Variants in SEMA3A observed in about 807,000 individuals in gnomAD.
The protein encoded by SEMA3A is semaphorin-3A.
Under a neutral mutation model 97.9 loss-of-function variants are expected in SEMA3A, and 29 were observed. That is an observed-to-expected ratio of 0.30 (90% CI 0.22 to 0.40). SEMA3A has a LOEUF of 0.40. Among genes scored for constraint, SEMA3A ranks in the 10% least tolerant of loss-of-function variants. The pLI is 1.00. For synonymous variants in SEMA3A, 321 were observed against 323.7 expected (o/e 0.99, Z 0.09); for missense variants, 763 against 951.3 (o/e 0.80, Z 2.60).
intron 3 of SEMA3A, among the ~76,000 whole-genome samples, chr7:84,236,581 T>C: frequency 6.6e-6 from 1 of 152,294 alleles, no homozygotes; most frequent in Admixed American, 6.5e-5. Flanking sequence ...AGTTTATCTT[T>C]ATCTCGCAAA....
At chr7:84,110,806 A>G (rs1217199728) in intron 3 of SEMA3A, among the ~76,000 whole-genome samples, 1 of 151,816 alleles carries the variant, frequency 6.6e-6, no homozygotes, top group Non-Finnish European at 1.5e-5. Flanking sequence ...CTCTGGTGAG[A>G]ACAATTATTT....
chr7:84,256,790 A>C (rs904825055), intron 3 of SEMA3A, among the ~76,000 whole-genome samples: 1 of 152,056 alleles, frequency 6.6e-6, no homozygotes, highest in African/African-American at 2.4e-5. Flanking sequence ...ACATAAATAC[A>C]AAGTATTCTA....
At position 84,351,206 on chromosome 7, in the gene SEMA3A, G is replaced by A. The variant is rs183249313; in HGVS notation, c.-169+20618C>T. Among the ~76,000 whole-genome samples, 56 of 152,110 alleles carry A rather than the reference G, an allele frequency of 3.7e-4. No individual in the cohort carries two copies. The East Asian group carries it at 6.6e-3, about 18-fold the overall frequency. Reference sequence around the variant, plus strand: ...TAAAGTCAATGCCAACATTTCTAATGATTCAGGTGGCTCTCAGTACTCCTT... The same window carrying A: ...TAAAGTCAATGCCAACATTTCTAATAATTCAGGTGGCTCTCAGTACTCCTT... On this transcript the variant is annotated intron_variant, in intron 2 of 3. Transcript: ENST00000424555.
intron 2 of SEMA3A, among the ~76,000 whole-genome samples, chr7:84,315,971 C>T (rs1801485514): frequency 6.6e-6 from 1 of 150,458 alleles, no homozygotes; most frequent in Admixed American, 6.6e-5. Flanking sequence ...CTTTCTTCCT[C>T]TAATTTTATT....
intron 5 of SEMA3A, among the ~76,000 whole-genome samples, chr7:84,051,795 C>A (rs1792668124): frequency 6.6e-6 from 1 of 151,810 alleles, no homozygotes; most frequent in Admixed American, 6.6e-5. Context: ...TGCCAGTCTT[C>A]AAAGGGAATG....
rs906738133 is a variant in SEMA3A at position 84,214,737 on chromosome 7, C to T, written c.-82-20069G>A. Reference sequence around the variant, plus strand: ...TTTTTGAGACAGAGTCTTGCACTGTCGCCCAGGCTGGAGTGCAGTGGTGTG... The same window carrying T: ...TTTTTGAGACAGAGTCTTGCACTGTTGCCCAGGCTGGAGTGCAGTGGTGTG... On this transcript the variant is annotated intron_variant, in intron 3 of 3. Coordinates refer to the SEMA3A transcript ENST00000424555. Among the ~76,000 whole-genome samples, 24 of 145,204 alleles carry T rather than the reference C, an allele frequency of 1.7e-4. 1 individual carries two copies. The highest frequency in any genetic ancestry group is 8.7e-4 in the South Asian group (4 of 4,612).
At position 84,008,365 on chromosome 7, in the gene SEMA3A, G is replaced by C. The variant is rs553725291; in HGVS notation, c.996-868C>G. On this transcript the variant is annotated intron_variant, in intron 9 of 16. Transcript: ENST00000265362. The stretch of plus-strand genomic sequence containing the variant: ...AATTAGCCAGGTGTGGTGGCGGGTG[G>C]CTGTAGTCCCAGCTACTCGGGAGGC... 7.9e-5 allele frequency among the ~76,000 whole-genome samples: 12 copies of C among 151,716 alleles called. No homozygotes were observed. The South Asian group carries it at 2.5e-3, about 32-fold the overall frequency.
intron 3 of SEMA3A, among the ~76,000 whole-genome samples, chr7:84,212,603 C>T (rs1798657848): frequency 6.6e-6 from 1 of 152,168 alleles, no homozygotes; most frequent in Admixed American, 6.5e-5. Context: ...ATAAATTTCT[C>T]CCAGAATTTA....
At chr7:84,487,764 A>G (rs1428969423) in intron 1 of SEMA3A, among the ~76,000 whole-genome samples, 1 of 152,130 alleles carries the variant, frequency 6.6e-6, no homozygotes, top group Non-Finnish European at 1.5e-5. Context: ...TTTTTCCAGG[A>G]TCTTGAGATT....
At chr7:84,251,433 G>A (rs532753644) in intron 3 of SEMA3A, among the ~76,000 whole-genome samples, 43 of 152,198 alleles carry the variant, frequency 2.8e-4, no homozygotes, top group African/African-American at 9.4e-4. Flanking sequence ...CAGTACACAT[G>A]GTCAGAAGAA....
At chr7:84,138,221 TTTTC>T (rs1796202579) in intron 1 of SEMA3A, among the ~76,000 whole-genome samples, 1 of 152,036 alleles carries the variant, frequency 6.6e-6, no homozygotes, top group Non-Finnish European at 1.5e-5. Flanking sequence ...TATATATTTT[TTTTC>T]TTTTTTTTTA....
intron 6 of SEMA3A, among the ~76,000 whole-genome samples, chr7:84,042,464 C>A (rs1792170702): frequency 6.6e-6 from 1 of 152,034 alleles, no homozygotes; most frequent in Non-Finnish European, 1.5e-5. Context: ...GCTGCCCTTT[C>A]ACCCTGACTC....
At chr7:84,325,641 C>T (rs1801758596) in intron 2 of SEMA3A, among the ~76,000 whole-genome samples, 1 of 151,516 alleles carries the variant, frequency 6.6e-6, no homozygotes, top group Non-Finnish European at 1.5e-5. Flanking sequence ...ATAGGCAGGC[C>T]AGGAGGAACC....
chr7:84,448,590 T>C (rs1422016433), intron 1 of SEMA3A, among the ~76,000 whole-genome samples: 1 of 151,928 alleles, frequency 6.6e-6, no homozygotes, highest in Non-Finnish European at 1.5e-5. Context: ...ATTAAAATCT[T>C]AGGAATTAAT....
intron 4 of SEMA3A, among the ~76,000 whole-genome samples, chr7:84,065,278 A>C (rs1317911456): frequency 8.1e-6 from 1 of 123,922 alleles, no homozygotes; most frequent in Non-Finnish European, 1.7e-5. Flanking sequence ...CAGTGTGTAG[A>C]GGGAAATTTA....
intron 1 of SEMA3A, among the ~76,000 whole-genome samples, chr7:84,486,315 G>A (rs549649914): frequency 6.6e-6 from 1 of 152,308 alleles, no homozygotes; most frequent in Non-Finnish European, 1.5e-5. Flanking sequence ...TTGAACCAGG[G>A]AGTTGCAGGT....
intron 14 of SEMA3A, among the ~76,000 whole-genome samples, chr7:83,980,517 A>C (rs977385107): frequency 6.7e-6 from 1 of 149,218 alleles, no homozygotes; most frequent in Non-Finnish European, 1.5e-5. Flanking sequence ...AGACAGGAGA[A>C]TCTCTTGAAC....
At chr7:84,120,233 A>G (rs959174630) in intron 3 of SEMA3A, among the ~76,000 whole-genome samples, 1 of 152,142 alleles carries the variant, frequency 6.6e-6, no homozygotes, top group African/African-American at 2.4e-5. Context: ...ATTTGGCTGT[A>G]TTAGTAAAAT....
At chr7:83,986,181 A>C (rs1419878813) in intron 12 of SEMA3A, among the ~76,000 whole-genome samples, 1 of 152,140 alleles carries the variant, frequency 6.6e-6, no homozygotes, top group Non-Finnish European at 1.5e-5. Flanking sequence ...CCTCATTCCT[A>C]ACAACACCAG....
Sources: allele counts gnomAD v4.1 joint callset (sites outside exome capture counted in the v4.1 genomes callset), GRCh38; gene constraint gnomAD v4.1.1; transcripts MANE v1.5; gene names NCBI Gene and HGNC (gene_info 2026-07-23, HGNC 2026-07-21).